Variants in GPBP1L1 observed in about 807,000 individuals in gnomAD.
The protein encoded by GPBP1L1 is vasculin-like protein 1.
GPBP1L1 carries 23 observed loss-of-function variants against 52.5 expected under a neutral mutation model. The observed-to-expected ratio is 0.44, with a 90% CI of 0.32 to 0.62. The LOEUF is 0.62. GPBP1L1 is among the 20% of genes least tolerant of loss of function. GPBP1L1 has a pLI of 0.06. For missense variants in GPBP1L1, 596 were observed against 579.3 expected, an observed-to-expected ratio of 1.03 and a Z score of -0.30; for synonymous variants, 243 against 203.1, an observed-to-expected ratio of 1.20 and a Z score of -1.67.
At chr1:45,673,049 C>A (rs1046354724) in intron 2 of GPBP1L1, among the ~76,000 whole-genome samples, 1 of 152,128 alleles carries the variant, frequency 6.6e-6, no homozygotes, top group African/African-American at 2.4e-5. Flanking sequence ...TTTTACTGCA[C>A]TGATAGGAAT....
chr1:45,651,308 C>T (rs1644816778), intron 6 of GPBP1L1: 1 of 390,010 alleles, frequency 2.6e-6, no homozygotes, highest in East Asian at 6.5e-5. Flanking sequence ...CATTTTACGA[C>T]ACAGGGCAGG....
chr1:45,672,197 C>T (rs1317328265), intron 2 of GPBP1L1, among the ~76,000 whole-genome samples: 1 of 152,034 alleles, frequency 6.6e-6, no homozygotes, highest in Non-Finnish European at 1.5e-5. Flanking sequence ...CATGTCTCTA[C>T]TAAAAATAAA....
chr1:45,642,610 T>C, intron 6 of GPBP1L1, 111 bp from the exon 7 acceptor site: 4 of 736,568 alleles, frequency 5.4e-6, no homozygotes, highest in Non-Finnish European at 9.5e-6. Context: ...TTTTACATAT[T>C]AGCAACACTT....
intron 2 of GPBP1L1, among the ~76,000 whole-genome samples, chr1:45,683,125 A>G (rs1016966262): frequency 6.7e-6 from 1 of 149,082 alleles, no homozygotes; most frequent in Non-Finnish European, 1.5e-5. Flanking sequence ...CAACAGTCTT[A>G]CTTTCATGTT....
chr1:45,628,448 A>G (rs751491908), intron 12 of GPBP1L1, 40 bp from the exon 13 acceptor site: 1 of 1,598,724 alleles, frequency 6.3e-7, no homozygotes, highest in Non-Finnish European at 8.5e-7. Flanking sequence ...AGAAAAAAAT[A>G]TCAATGACTG....
At chr1:45,671,544 C>A (rs1177496680) in intron 2 of GPBP1L1, among the ~76,000 whole-genome samples, 2 of 151,944 alleles carry the variant, frequency 1.3e-5, no homozygotes, top group Non-Finnish European at 2.9e-5. Context: ...ACAGGCCAGG[C>A]ACGGTGGTAC....
At chr1:45,630,331 C>G in intron 11 of GPBP1L1, 151 bp downstream of exon 11, 1 of 805,258 alleles carries the variant, frequency 1.2e-6, no homozygotes, top group Non-Finnish European at 1.9e-6. Context: ...TGATGAGCAA[C>G]AGGCCAACCT....
intron 2 of GPBP1L1, among the ~76,000 whole-genome samples, chr1:45,677,420 G>A (rs1414582383): frequency 6.6e-6 from 1 of 151,788 alleles, no homozygotes; most frequent in African/African-American, 2.4e-5. Context: ...TGGGGTGGGA[G>A]CCTGGGAAGT....
intron 2 of GPBP1L1, among the ~76,000 whole-genome samples, chr1:45,661,961 C>T (rs1294956127): frequency 6.6e-6 from 1 of 152,128 alleles, no homozygotes; most frequent in African/African-American, 2.4e-5. Flanking sequence ...TTGTTTAGTA[C>T]TAGCCACAGC....
At chr1:45,682,255 T>A (rs898390699) in intron 2 of GPBP1L1, among the ~76,000 whole-genome samples, 6 of 152,178 alleles carry the variant, frequency 3.9e-5, no homozygotes, top group African/African-American at 1.4e-4. Flanking sequence ...GACAATAACT[T>A]TTTTATATAC....
At chr1:45,630,929 TG>T (rs996494603) in intron 10 of GPBP1L1, among the ~76,000 whole-genome samples, 6 of 151,658 alleles carry the variant, frequency 4.0e-5, no homozygotes, top group Admixed American at 2.0e-4. Flanking sequence ...ATAAGAGGTG[TG>T]GGGGGAAAAA....
chr1:45,666,938 A>C (rs1448020540), intron 2 of GPBP1L1, among the ~76,000 whole-genome samples: 1 of 152,262 alleles, frequency 6.6e-6, no homozygotes, highest in African/African-American at 2.4e-5. Flanking sequence ...AAATGAAAGA[A>C]GGCAGACACA....
chr1:45,640,053 G>GAA (rs66580837), intron 8 of GPBP1L1, among the ~76,000 whole-genome samples, 157 bp downstream of exon 8: 41 of 144,566 alleles, frequency 2.8e-4, no homozygotes, highest in African/African-American at 8.2e-4. Context: ...TAAAGAAAAA[G>GAA]AAAAAAAAAA....
chr1:45,630,670 T>G (rs1644518832), intron 10 of GPBP1L1, 64 bp from the exon 11 acceptor site: 1 of 1,570,222 alleles, frequency 6.4e-7, no homozygotes, highest in Non-Finnish European at 8.7e-7. Context: ...ATAAGCAACC[T>G]ATGAAATCAA....
chr1:45,655,661 G>A, intron 4 of GPBP1L1: 1 of 167,460 alleles, frequency 6.0e-6, no homozygotes, highest in Non-Finnish European at 1.3e-5. Flanking sequence ...TTGTAGGAGA[G>A]GAAAATCAAG....
At chr1:45,645,072 C>T (rs1346308369) in intron 6 of GPBP1L1, among the ~76,000 whole-genome samples, 1 of 152,170 alleles carries the variant, frequency 6.6e-6, no homozygotes, top group Non-Finnish European at 1.5e-5. Context: ...ATGGAACCCT[C>T]TTCAATTTGG....
At chr1:45,653,207 G>A (rs774058112) in intron 6 of GPBP1L1, among the ~76,000 whole-genome samples, 1 of 152,136 alleles carries the variant, frequency 6.6e-6, no homozygotes, top group South Asian at 2.1e-4. Context: ...CTGATGAAAT[G>A]GCTATAACAG....
chr1:45,657,927 C>A (rs1644903797), intron 4 of GPBP1L1, among the ~76,000 whole-genome samples: 1 of 152,174 alleles, frequency 6.6e-6, no homozygotes, highest in Non-Finnish European at 1.5e-5. Flanking sequence ...AGACCAGAAG[C>A]ACCTTCCCAA....
At chr1:45,674,674 CCAGT>C (rs1645117450) in intron 2 of GPBP1L1, among the ~76,000 whole-genome samples, 1 of 152,152 alleles carries the variant, frequency 6.6e-6, no homozygotes, top group African/African-American at 2.4e-5. Flanking sequence ...GCCATAGCTC[CCAGT>C]CAGTCACAAG....
Sources: gnomAD v4.1 joint callset for allele counts (sites outside exome capture counted in the v4.1 genomes callset) on GRCh38, gnomAD v4.1.1 for gene constraint, MANE v1.5 for transcripts, NCBI Gene and HGNC (gene_info 2026-07-23, HGNC 2026-07-21) for gene names.